SF3A3: variants seen among roughly 807,000 people sequenced by gnomAD.
The protein encoded by SF3A3 is SAP 61.
SF3A3 carries 9 observed loss-of-function variants against 85.8 expected under a neutral mutation model. That is an observed-to-expected ratio of 0.10 (90% confidence interval 0.06 to 0.18). SF3A3 has a LOEUF of 0.18. SF3A3 is among the 10% of genes least tolerant of loss of function. The probability of loss-of-function intolerance (pLI) is 1.00; values close to 1 mark genes in which losing one functional copy is unlikely to be tolerated. For missense variants in SF3A3, 306 were observed against 593.3 expected, an observed-to-expected ratio of 0.52 and a Z score of 5.03; for synonymous variants, 195 against 204.4, an observed-to-expected ratio of 0.95 and a Z score of 0.39.
In SF3A3 at chr1:37,989,537, T is replaced by A; in HGVS notation, c.144+11A>T. On this transcript the variant is annotated intron_variant, in intron 2 of 16. Transcript: ENST00000373019. Reference sequence around the variant, plus strand: ...GCCAACCCAAAGAGAGGCAGACAGCTGGGCACTCACATCTTGCATGGCCCG... The same window carrying A: ...GCCAACCCAAAGAGAGGCAGACAGCAGGGCACTCACATCTTGCATGGCCCG... The A allele has an allele frequency of 6.2e-7, 1 of 1,613,048 alleles. No individual in the cohort carries two copies. Among genetic ancestry groups the A allele is most frequent in the Non-Finnish European group, 8.5e-7 (1 of 1,179,700 alleles).
chr1:37,974,326 G>A lies in SF3A3; in HGVS notation c.1005+2558C>T, dbSNP rs1367850273. On this transcript the variant is annotated intron_variant, in intron 12 of 16. Coordinates refer to ENST00000373019, the MANE Select transcript of SF3A3 (RefSeq NM_006802.4). ...TTTTTTTTTTTTTTTTTTTTGAGAT[G>A]GAGTCTTGCTCTGTCGCCCAAGCTG... is the stretch of plus-strand genomic sequence containing the variant. Among the ~76,000 whole-genome samples, 7 of 107,488 alleles carry A rather than the reference G, an allele frequency of 6.5e-5. No homozygotes were observed. In the East Asian group the frequency reaches 1.1e-3, roughly 16 times the overall value. The allele number at this position is 107,488 out of a possible 152,430, so 70.5% of individuals were successfully genotyped here. A position where few individuals can be genotyped will look rare whatever the true frequency, so the allele number is the denominator to read the frequency against.
rs1180648442 is a variant in SF3A3 at position 37,980,683 on chromosome 1, T to C, written c.593A>G (p.Asp198Gly). The C allele has an allele frequency of 1.2e-6, 2 of 1,613,934 alleles. No individual in the cohort carries two copies. Among genetic ancestry groups the C allele is most frequent in the Non-Finnish European group, 1.7e-6 (2 of 1,179,900 alleles). ...MLLEYLQDYT[D>G]RVKPLQDQNE... ...CTGATCTTGGAGAGGCTTCACTCTA[T>C]CTGTGTAATCCTGAAGGTACTCAAG... The change falls in exon 8 of 17, where the codon GAT becomes GGT. Residue 198 changes from aspartate to glycine, a missense_variant. By Grantham distance (94) the Asp-to-Gly change is moderately conservative. Coordinates refer to ENST00000373019, the MANE Select transcript of SF3A3 (RefSeq NM_006802.4).
chr1:37,961,440 C>T (rs533239511), intron 15 of SF3A3, among the ~76,000 whole-genome samples: 9 of 151,780 alleles, frequency 5.9e-5, no homozygotes, highest in African/African-American at 2.2e-4. Flanking sequence ...CAAAATTAGC[C>T]GAGCGTGGTG....
At chr1:37,969,881 A>G (rs948325330) in intron 12 of SF3A3, 146 bp from the exon 13 acceptor site, 2 of 813,304 alleles carry the variant, frequency 2.5e-6, no homozygotes, top group South Asian at 1.9e-5. Context: ...TTGCCTTCAT[A>G]TCAGAACTCC....
At chr1:37,973,272 A>G (rs2148719553) in intron 12 of SF3A3, among the ~76,000 whole-genome samples, 1 of 152,336 alleles carries the variant, frequency 6.6e-6, no homozygotes, top group East Asian at 1.9e-4. Flanking sequence ...AATACCATTC[A>G]GGCCATAGGC....
intron 12 of SF3A3, among the ~76,000 whole-genome samples, chr1:37,973,830 C>A (rs1170666114): frequency 6.6e-6 from 1 of 152,160 alleles, no homozygotes; most frequent in East Asian, 1.9e-4. Context: ...TGGAACCAAC[C>A]CAAATGTCCA....
intron 15 of SF3A3, among the ~76,000 whole-genome samples, chr1:37,966,889 C>G (rs28367909): frequency 1.5e-5 from 2 of 131,438 alleles, no homozygotes; most frequent in Non-Finnish European, 3.1e-5. Context: ...GAGCCGAGAT[C>G]GCACCATTGC....
rs529216959 is a variant in SF3A3, at chr1:37,966,227, T to A, written c.1372+1817A>T. On this transcript the variant is annotated intron_variant, in intron 15 of 16. Transcript: ENST00000373019. Reference sequence around the variant, plus strand: ...CAAAAAAATAAATAAATAAATTAATTAATTAAATTAAATTAAAAAAAAAGA... The same window carrying A: ...CAAAAAAATAAATAAATAAATTAATAAATTAAATTAAATTAAAAAAAAAGA... 1.2e-3 allele frequency among the ~76,000 whole-genome samples: 168 copies of A among 136,148 alleles called. 1 individual carries two copies. The highest frequency in any genetic ancestry group is 6.7e-3 in the South Asian group (29 of 4,342). 89.3% of individuals were successfully genotyped at this position (136,148 alleles called of 152,430 possible).
chr1:37,960,682 G>A (rs28585598), intron 15 of SF3A3: 38,636 of 153,128 alleles, frequency 0.25, 5,197 homozygotes, highest in Middle Eastern at 0.38. Context: ...ACGGACTCTC[G>A]CTCTGTCGCC....
rs546210682 is a variant in SF3A3 at position 37,978,717 on chromosome 1, C to T, written c.935+3G>A. On this transcript the variant is annotated splice_donor_region_variant and intron_variant, in intron 11 of 16. Transcript: ENST00000373019. ...AAGCAGCAGTGCTACCCCAGCCACTCACCGCTTGGTGCCCTTTGACTTGGG... is the reference window on the plus strand; with the variant it reads ...AAGCAGCAGTGCTACCCCAGCCACTTACCGCTTGGTGCCCTTTGACTTGGG... The T allele has an allele frequency of 1.9e-6, 3 of 1,550,226 alleles. No homozygotes were observed. The African/African-American group carries it at 4.1e-5, about 21-fold the overall frequency.
At chr1:37,971,225 C>T (rs1646342738) in intron 12 of SF3A3, among the ~76,000 whole-genome samples, 1 of 139,990 alleles carries the variant, frequency 7.1e-6, no homozygotes, top group Non-Finnish European at 1.6e-5. Context: ...ATACTATAAA[C>T]ACCTCTACAC....
In SF3A3 at chr1:37,984,731, C is replaced by G; in HGVS notation, c.352G>C (p.Glu118Gln). 6.2e-7 allele frequency: 1 copy of G among 1,613,944 alleles called. No individual in the cohort carries two copies. The change falls in exon 5 of 17, where the codon GAG (glutamate) becomes CAG (glutamine). Residue 118 changes from glutamate to glutamine, a missense_variant. This residue lies in a region of SF3A3 where 152 missense variants were observed against 192.0 expected (regional missense o/e 0.79). Transcript: ENST00000373019. ...CTTTGTGCCTCTTCACTTGGATTCT[C>G]TCGAGCCTTCAGGAGTTCCTCAAAT... Reference protein sequence around the residue: ...VEFEELLKARENPSEEAQNLV... With the variant: ...VEFEELLKARQNPSEEAQNLV...
intron 15 of SF3A3, among the ~76,000 whole-genome samples, chr1:37,962,332 G>A (rs1040560304): frequency 3.8e-5 from 5 of 132,462 alleles, no homozygotes; most frequent in African/African-American, 1.1e-4. Context: ...GGCTGGGCGC[G>A]GTGGCTCACG....
intron 2 of SF3A3, among the ~76,000 whole-genome samples, chr1:37,989,081 G>A (rs113599222): frequency 2.0e-5 from 3 of 151,930 alleles, no homozygotes; most frequent in East Asian, 1.9e-4. Context: ...CACGAGGTCA[G>A]GAGTTCGAGA....
chr1:37,978,570 T>A (rs1646395582), intron 11 of SF3A3, 150 bp downstream of exon 11: 1 of 590,600 alleles, frequency 1.7e-6, no homozygotes. Context: ...GATAGTACTC[T>A]CTGCTATTAG....
At chr1:37,962,646 A>G (rs991089131) in intron 15 of SF3A3, among the ~76,000 whole-genome samples, 5 of 151,348 alleles carry the variant, frequency 3.3e-5, no homozygotes, top group Admixed American at 2.0e-4. Flanking sequence ...AAGTGCGACC[A>G]ATCACCTAAA....
Position 37,968,063 on chromosome 1 carries a change from C to T in SF3A3, c.1353G>A (p.Gln451=). ...PNTAHFANVT[Q]IEDAVSLWAK... ...ACTTACAGGAGACAGCATCTTCAAT[C>T]TGTGTCACATTAGCAAAGTGAGCAG... The change falls in exon 15 of 17, where the codon CAG becomes CAA. Residue 451 remains glutamine (Q), a synonymous_variant. Transcript: ENST00000373019. The T allele has an allele frequency of 6.2e-7, 1 of 1,611,252 alleles. No homozygotes were observed. The highest frequency in any genetic ancestry group is 8.5e-7 in the Non-Finnish European group (1 of 1,177,414).
intron 2 of SF3A3, 63 bp from the exon 3 acceptor site, chr1:37,987,899 CA>C: frequency 7.3e-7 from 1 of 1,372,652 alleles, no homozygotes; most frequent in Non-Finnish European, 1.0e-6. Context: ...GCTAAGCAAA[CA>C]ACAAGGGTTC....
chr1:37,983,187 C>G (rs1245482905), intron 6 of SF3A3, among the ~76,000 whole-genome samples: 1 of 149,730 alleles, frequency 6.7e-6, no homozygotes, highest in Non-Finnish European at 1.5e-5. Flanking sequence ...ATCTGCCCAC[C>G]TTGGCCTCCC....
Sources: gnomAD v4.1 joint callset for allele counts (sites outside exome capture counted in the v4.1 genomes callset) on GRCh38, gnomAD v4.1.1 for gene constraint, gnomAD v4.1.1 regional missense constraint, MANE v1.5 for transcripts, NCBI Gene and HGNC (gene_info 2026-07-23, HGNC 2026-07-21) for gene names.